The following LDLRAD4 variants were observed in gnomAD, a reference collection of about 807,000 sequenced individuals.
LDLRAD4 encodes low-density lipoprotein receptor class A domain-containing protein 4.
In LDLRAD4, 5 loss-of-function variants were observed where a neutral mutation model predicts 17.0. The observed-to-expected ratio is 0.29, with a 90% CI of 0.15 to 0.62. The LOEUF (loss-of-function observed/expected upper bound fraction) is 0.62. LDLRAD4 is among the 20% of genes least tolerant of loss of function. The pLI is 0.84. For missense variants in LDLRAD4, 340 were observed against 424.7 expected (o/e 0.80, Z 1.75); for synonymous variants, 168 against 171.8 (o/e 0.98, Z 0.17).
chr18:13,406,238 C>A (rs191276327), intron 2 of LDLRAD4, among the ~76,000 whole-genome samples: 1 of 152,148 alleles, frequency 6.6e-6, no homozygotes, highest in Non-Finnish European at 1.5e-5. Context: ...ATTGCAGCCC[C>A]CAAGTGACCT....
intron 1 of LDLRAD4, among the ~76,000 whole-genome samples, chr18:13,333,361 G>T (rs1404143928): frequency 6.6e-6 from 1 of 152,104 alleles, no homozygotes; most frequent in Non-Finnish European, 1.5e-5. Context: ...CCAGTATGTG[G>T]CTTGTGTTCT....
chr18:13,326,830 A>G (rs535366068), intron 1 of LDLRAD4, among the ~76,000 whole-genome samples: 2 of 151,682 alleles, frequency 1.3e-5, no homozygotes, highest in African/African-American at 4.8e-5. Flanking sequence ...GTGCAATGGC[A>G]CGATCTTGGC....
chr18:13,581,608 A>G (rs567059672), intron 3 of LDLRAD4, among the ~76,000 whole-genome samples: 9 of 152,032 alleles, frequency 5.9e-5, no homozygotes, highest in Admixed American at 3.9e-4. Flanking sequence ...TTTTCTATTC[A>G]TCCTTGTCTA....
chr18:13,338,853 G>A (rs558978399), intron 1 of LDLRAD4, among the ~76,000 whole-genome samples: 1 of 152,298 alleles, frequency 6.6e-6, no homozygotes, highest in South Asian at 2.1e-4. Context: ...GTTTTAAAAT[G>A]ATGCTTTCCA....
chr18:13,277,718 G>T (rs1453312757), upstream of LDLRAD4, among the ~76,000 whole-genome samples: 1 of 152,228 alleles, frequency 6.6e-6, no homozygotes, highest in East Asian at 1.9e-4. Context: ...AAAGAAGATG[G>T]TCTTTTCACA....
intron 1 of LDLRAD4, among the ~76,000 whole-genome samples, chr18:13,265,055 C>G (rs2044139664): frequency 6.6e-6 from 1 of 152,222 alleles, no homozygotes. Flanking sequence ...CCTGATCCAT[C>G]CACTGTGTCG....
At chr18:13,276,262 C>T (rs1212166636), upstream of LDLRAD4, among the ~76,000 whole-genome samples, 1 of 152,164 alleles carries the variant, frequency 6.6e-6, no homozygotes, top group East Asian at 1.9e-4. Flanking sequence ...CCCGCCTCGG[C>T]CTCACAAAGT....
intron 3 of LDLRAD4, among the ~76,000 whole-genome samples, chr18:13,492,597 C>T (rs574271825): frequency 2.0e-5 from 3 of 152,344 alleles, no homozygotes; most frequent in African/African-American, 7.2e-5. Flanking sequence ...TTGTCAGACC[C>T]TACTCAGGAG....
chr18:13,588,251 C>CTCTA (rs1371312844), intron 3 of LDLRAD4, among the ~76,000 whole-genome samples: 2 of 152,206 alleles, frequency 1.3e-5, no homozygotes, highest in Non-Finnish European at 2.9e-5. Context: ...CCTGTGGCTT[C>CTCTA]TCTAGCACCT....
At chr18:13,354,968 T>C (rs1391924787) in intron 1 of LDLRAD4, among the ~76,000 whole-genome samples, 1 of 152,168 alleles carries the variant, frequency 6.6e-6, no homozygotes, top group African/African-American at 2.4e-5. Context: ...GGTTCCAATT[T>C]GATTTAATTG....
chr18:13,256,161 C>T (rs574995389), intron 1 of LDLRAD4, among the ~76,000 whole-genome samples: 2 of 152,150 alleles, frequency 1.3e-5, no homozygotes, highest in Non-Finnish European at 2.9e-5. Context: ...GTTTTGCTGC[C>T]TGATTATTCT....
At chr18:13,583,727 C>T (rs2094897557) in intron 3 of LDLRAD4, among the ~76,000 whole-genome samples, 1 of 152,072 alleles carries the variant, frequency 6.6e-6, no homozygotes, top group East Asian at 1.9e-4. Context: ...TGTTGGGGGG[C>T]CCGGCCGCGC....
intron 1 of LDLRAD4, among the ~76,000 whole-genome samples, chr18:13,311,987 A>C (rs1274996190): frequency 6.6e-6 from 1 of 151,812 alleles, no homozygotes; most frequent in Non-Finnish European, 1.5e-5. Flanking sequence ...GCCCACCACC[A>C]CACCCGGCTA....
At chr18:13,530,056 T>C (rs1197448132) in intron 3 of LDLRAD4, among the ~76,000 whole-genome samples, 1 of 152,062 alleles carries the variant, frequency 6.6e-6, no homozygotes, top group Non-Finnish European at 1.5e-5. Context: ...AGAGGCCAAG[T>C]TAAAGGAAAA....
At chr18:13,393,662 T>C (rs959399494) in intron 2 of LDLRAD4, among the ~76,000 whole-genome samples, 4 of 152,212 alleles carry the variant, frequency 2.6e-5, no homozygotes, top group Admixed American at 6.5e-5. Context: ...TCTCTAGTTC[T>C]GCCGATGCTC....
intron 1 of LDLRAD4, among the ~76,000 whole-genome samples, chr18:13,377,220 G>A (rs2084982424): frequency 1.3e-5 from 2 of 152,230 alleles, no homozygotes; most frequent in South Asian, 4.1e-4. Context: ...TCCTCTGACA[G>A]CACTGTTTTG....
chr18:13,473,080 G>A (rs539669269), intron 3 of LDLRAD4, among the ~76,000 whole-genome samples: 4 of 98,004 alleles, frequency 4.1e-5, no homozygotes, highest in African/African-American at 1.2e-4. Context: ...CCCCGCCCCC[G>A]CCTGCCAGCA....
Position 13,621,998 on chromosome 18 carries a change from A to C in LDLRAD4, c.336+727A>C, listed in dbSNP as rs537822839. 3.9e-5 allele frequency among the ~76,000 whole-genome samples: 6 copies of C among 152,246 alleles called. No homozygotes were observed. The East Asian group carries it at 1.2e-3, about 29-fold the overall frequency. ...TTTGATGGCTTCCAGCCAGAGGGTT[A>C]GGAGCGGTGAGTTCAGCGAGCGTAT... is the stretch of plus-strand genomic sequence containing the variant. On this transcript the variant is annotated intron_variant, in intron 4 of 5. Transcript: ENST00000359446. This position sits in a 1 kb window ranked among gnomAD's most constrained non-coding sequence, Gnocchi z 5.5.
intron 3 of LDLRAD4, among the ~76,000 whole-genome samples, chr18:13,447,081 G>C (rs2091457743): frequency 6.6e-6 from 1 of 152,202 alleles, no homozygotes; most frequent in African/African-American, 2.4e-5. Context: ...CAATGAATCA[G>C]GCTGTTGTGC....
Sources: gnomAD v4.1 joint callset for allele counts (sites outside exome capture counted in the v4.1 genomes callset) on GRCh38, gnomAD v4.1.1 for gene constraint, Gnocchi (gnomAD v3.1) non-coding constraint, MANE v1.5 for transcripts, NCBI Gene and HGNC (gene_info 2026-07-23, HGNC 2026-07-21) for gene names.